The following SLC26A8 variants were observed in gnomAD, a reference collection of about 807,000 sequenced individuals.
SLC26A8 encodes solute carrier family 26 member 8, also known as testis anion transporter 1.
In SLC26A8, 70 loss-of-function variants were observed where a neutral mutation model predicts 105.0. The observed-to-expected ratio is 0.67, with a 90% CI of 0.55 to 0.81. SLC26A8 has a LOEUF of 0.81. SLC26A8 is among the 40% of genes least tolerant of loss of function. The probability of loss-of-function intolerance (pLI) is 0.00; values close to 1 mark genes in which losing one functional copy is unlikely to be tolerated. For synonymous variants in SLC26A8, 415 were observed against 438.3 expected, an observed-to-expected ratio of 0.95 and a Z score of 0.66; for missense variants, 998 against 1,181.8, an observed-to-expected ratio of 0.84 and a Z score of 2.28.
intron 4 of SLC26A8, 31 bp downstream of exon 4, chr6:35,999,961 C>T (rs1761472136): frequency 2.1e-6 from 3 of 1,406,644 alleles, no homozygotes; most frequent in South Asian, 1.2e-5. Flanking sequence ...AAACTTCATC[C>T]ACCGCATGTG....
intron 8 of SLC26A8, among the ~76,000 whole-genome samples, chr6:35,980,990 G>T (rs754835945): frequency 6.6e-6 from 1 of 151,672 alleles, no homozygotes; most frequent in African/African-American, 2.4e-5. Flanking sequence ...CAGCCTGGGC[G>T]ACAGAGCAAG....
Position 35,961,188 on chromosome 6 carries a change from C to T in SLC26A8, c.1462-89G>A. The T allele has an allele frequency of 2.9e-6, 3 of 1,023,468 alleles. No homozygotes were observed. The East Asian group carries it at 7.6e-5, about 26-fold the overall frequency. 63.4% of individuals were successfully genotyped at this position (1,023,468 alleles called of 1,614,324 possible). ...GTCCTGTTTCTCAACTCACCTTCAC[C>T]CTCTCCCTTACTACACCTGGGCTTT... On this transcript the variant is annotated intron_variant, in intron 12 of 19. Coordinates refer to ENST00000490799, the MANE Select transcript of SLC26A8 (RefSeq NM_052961.4).
intron 4 of SLC26A8, among the ~76,000 whole-genome samples, chr6:35,999,134 T>C (rs2127356190): frequency 6.6e-6 from 1 of 152,284 alleles, no homozygotes; most frequent in South Asian, 2.1e-4. Context: ...GACCTCATGA[T>C]CCACTTGCCT....
intron 7 of SLC26A8, among the ~76,000 whole-genome samples, chr6:35,990,897 G>A (rs1007816156): frequency 1.3e-5 from 2 of 151,686 alleles, no homozygotes; most frequent in Non-Finnish European, 2.9e-5. Context: ...TCTTTCATAA[G>A]GGGAAAAAAA....
chr6:36,017,170 AAAAG>A (rs1251723411), intron 2 of SLC26A8, among the ~76,000 whole-genome samples: 3 of 137,196 alleles, frequency 2.2e-5, no homozygotes, highest in African/African-American at 5.7e-5. Flanking sequence ...CTTTGCCTCA[AAAAG>A]AAAGAAAGAA....
At chr6:36,013,751 C>T (rs1464217074) in intron 2 of SLC26A8, among the ~76,000 whole-genome samples, 1 of 152,180 alleles carries the variant, frequency 6.6e-6, no homozygotes, top group African/African-American at 2.4e-5. Flanking sequence ...CATGTGTAAA[C>T]TGAGCTAGAT....
intron 7 of SLC26A8, among the ~76,000 whole-genome samples, chr6:35,985,081 CTCTT>C (rs1773441525): frequency 6.6e-6 from 1 of 152,194 alleles, no homozygotes; most frequent in Non-Finnish European, 1.5e-5. Context: ...TTGATAATAA[CTCTT>C]TCAATCAATT....
chr6:36,004,819 AATTT>A, intron 3 of SLC26A8, among the ~76,000 whole-genome samples: 1 of 143,556 alleles, frequency 7.0e-6, no homozygotes, highest in Non-Finnish European at 1.5e-5. Flanking sequence ...CACCTAGTTA[AATTT>A]TTTTTTTTTT....
In SLC26A8 at chr6:35,972,759, A is replaced by G. The variant is rs138205608; in HGVS notation, c.1287+2616T>C. On this transcript the variant is annotated intron_variant, in intron 10 of 19. Transcript: ENST00000490799. ...GTGCCATAGGCTACCTTTGAGGCAGACCTTCTGTTCAACAGGCTAAAATGC... is the reference window on the plus strand; with the variant it reads ...GTGCCATAGGCTACCTTTGAGGCAGGCCTTCTGTTCAACAGGCTAAAATGC... Among the ~76,000 whole-genome samples the G allele has an allele frequency of 1.5e-3, 226 of 152,340 alleles. 4 individuals carry two copies. In the South Asian group the frequency reaches 0.025, roughly 17 times the overall value.
rs528142986 is a variant in SLC26A8, at chr6:35,997,617, A to G, written c.627+121T>C. ...ATTCACACAGCCTCTGATTTTTCAA[A>G]AAATAAATCACTGAAGTTCCAGGTA... On this transcript the variant is annotated intron_variant, in intron 5 of 19. Coordinates refer to ENST00000490799, the MANE Select transcript of SLC26A8 (RefSeq NM_052961.4). 3.4e-5 allele frequency: 36 copies of G among 1,063,602 alleles called. No homozygotes were observed. The African/African-American group carries it at 5.1e-4, about 15-fold the overall frequency. The allele number at this position is 1,063,602 out of a possible 1,614,324, so 65.9% of individuals were successfully genotyped here.
At position 35,951,208 on chromosome 6, in the gene SLC26A8, A is replaced by T. The variant is rs758075213; in HGVS notation, c.2427T>A (p.Asp809Glu). Residue 809 changes from aspartate to glutamate, a missense_variant, in exon 19 of 20, where the codon GAT becomes GAA. By Grantham distance (45) the Asp-to-Glu change is conservative (BLOSUM62 2). Transcript: ENST00000490799. ...KVIGSSELSI[D>E]ESETVIRETY... Reference sequence around the variant, plus strand: ...TTTCCCGTATCACTGTCTCGGATTCATCGATGCTTAACTCAGAGGAGCCTA... The same window carrying T: ...TTTCCCGTATCACTGTCTCGGATTCTTCGATGCTTAACTCAGAGGAGCCTA... 2.5e-6 allele frequency: 4 copies of T among 1,612,578 alleles called. No individual in the cohort carries two copies. The highest frequency in any genetic ancestry group is 2.2e-5 in the East Asian group (1 of 44,794).
rs573176017 is a variant in SLC26A8 at position 35,958,587 on chromosome 6, G to A, written c.1863+873C>T. Reference sequence around the variant, plus strand: ...GTGGATTGCCTGAGGTCAGGAGTTCGAGACTAGCCTGGCCAACATGGTGAA... The same window carrying A: ...GTGGATTGCCTGAGGTCAGGAGTTCAAGACTAGCCTGGCCAACATGGTGAA... On this transcript the variant is annotated intron_variant, in intron 16 of 19. Coordinates refer to ENST00000490799, the MANE Select transcript of SLC26A8 (RefSeq NM_052961.4). 5.9e-5 allele frequency among the ~76,000 whole-genome samples: 9 copies of A among 152,294 alleles called. No homozygotes were observed. In the East Asian group the frequency reaches 1.4e-3, roughly 23 times the overall value.
At chr6:35,991,565 TA>T in intron 7 of SLC26A8, 93 bp downstream of exon 7, 1 of 994,272 alleles carries the variant, frequency 1.0e-6, no homozygotes, top group Non-Finnish European at 1.4e-6. Context: ...TATTGAAAAC[TA>T]AATGTATTCA....
chr6:35,960,862 C>T lies in SLC26A8; in HGVS notation c.1619G>A (p.Ser540Asn), dbSNP rs1213882528. The T allele has an allele frequency of 6.2e-7, 1 of 1,614,110 alleles. No homozygotes were observed. Among genetic ancestry groups the T allele is most frequent in the Non-Finnish European group, 8.5e-7 (1 of 1,180,020 alleles). Residue 540 changes from serine to asparagine, a missense_variant, in exon 14 of 20, where the codon AGC (serine) becomes AAC (asparagine). By Grantham distance (46) the Ser-to-Asn change is conservative. Coordinates refer to ENST00000490799, the MANE Select transcript of SLC26A8 (RefSeq NM_052961.4). ...TCTTACCTCCCGATAATCATTGATG[C>T]TTCTATAAATGTTGGTGTTAGGGAT... Reference protein sequence around the residue: ...GQIPNTNIYRSINDYREIITI... With the variant: ...GQIPNTNIYRNINDYREIITI...
chr6:36,005,200 G>A (rs1163589300), intron 3 of SLC26A8, among the ~76,000 whole-genome samples: 1 of 152,028 alleles, frequency 6.6e-6, no homozygotes, highest in African/African-American at 2.4e-5. Context: ...TTACAGAAAA[G>A]TTACAAAAAT....
chr6:36,019,338 G>A (rs1035071638), intron 2 of SLC26A8, among the ~76,000 whole-genome samples, 182 bp downstream of exon 2: 6 of 152,170 alleles, frequency 3.9e-5, no homozygotes, highest in Non-Finnish European at 8.8e-5. Context: ...TGCCCAGGAA[G>A]TTTACAATCG....
intron 5 of SLC26A8, among the ~76,000 whole-genome samples, chr6:35,994,349 T>G (rs1446315318): frequency 6.6e-6 from 1 of 151,644 alleles, no homozygotes; most frequent in Non-Finnish European, 1.5e-5. Flanking sequence ...CTCCTGACCT[T>G]GTGATCCGCC....
At chr6:36,002,676 G>A (rs529843079) in intron 3 of SLC26A8, among the ~76,000 whole-genome samples, 1 of 150,390 alleles carries the variant, frequency 6.6e-6, no homozygotes, top group African/African-American at 2.4e-5. Context: ...GTATTGTTTT[G>A]CAAGTATCTC....
At chr6:35,975,038 G>A (rs949696769) in intron 10 of SLC26A8, among the ~76,000 whole-genome samples, 3 of 151,976 alleles carry the variant, frequency 2.0e-5, no homozygotes. Flanking sequence ...TATTACAGGC[G>A]TGAGCCACCA....
Sources: gnomAD v4.1 joint callset for allele counts (sites outside exome capture counted in the v4.1 genomes callset) on GRCh38, gnomAD v4.1.1 for gene constraint, MANE v1.5 for transcripts, NCBI Gene and HGNC (gene_info 2026-07-23, HGNC 2026-07-21) for gene names.